The following NHERF1 variants were observed in gnomAD, a reference collection of about 807,000 sequenced individuals.
NHERF1 encodes Na(+)/H(+) exchange regulatory cofactor NHE-RF1.
At chr17:74,766,469 C>T in the NHERF1 span, among the ~76,000 whole-genome samples, 1 of 152,044 alleles carries the variant, frequency 6.6e-6, no homozygotes, top group Admixed American at 6.6e-5. Flanking sequence ...TCCCAAAGTG[C>T]TGGGATTACT....
chr17:74,749,378 C>T, the NHERF1 span: 2 of 1,272,244 alleles, frequency 1.6e-6, no homozygotes, highest in Non-Finnish European at 2.1e-6. This position sits in a 1 kb window ranked among gnomAD's most constrained non-coding sequence, Gnocchi z 5.6. Flanking sequence ...CCCGCGCCCG[C>T]CGTCGTTTTT....
At chr17:74,750,671 G>A in the NHERF1 span, among the ~76,000 whole-genome samples, 1 of 152,056 alleles carries the variant, frequency 6.6e-6, no homozygotes, top group Non-Finnish European at 1.5e-5. Context: ...CCAGTCCCAG[G>A]CAGAAATCCA....
the NHERF1 span, among the ~76,000 whole-genome samples, chr17:74,764,335 G>GCCCA: frequency 1.3e-5 from 2 of 152,200 alleles, no homozygotes; most frequent in African/African-American, 4.8e-5. This position sits in a 1 kb window ranked among gnomAD's most constrained non-coding sequence, Gnocchi z 4.9. Flanking sequence ...AGCTGCAAGG[G>GCCCA]CCCACTGGGG....
At chr17:74,764,413 TC>T in the NHERF1 span, among the ~76,000 whole-genome samples, 1 of 152,104 alleles carries the variant, frequency 6.6e-6, no homozygotes, top group Admixed American at 6.5e-5. The surrounding 1 kb of genome is among the most constrained non-coding windows in gnomAD (Gnocchi z 4.9). Context: ...CCCCTGGAAG[TC>T]CCTAGCTGGC....
chr17:74,765,646 G>C, the NHERF1 span, among the ~76,000 whole-genome samples: 3 of 151,674 alleles, frequency 2.0e-5, no homozygotes. Context: ...CCACCTCCTG[G>C]GTTCAAGCAA....
At chr17:74,762,394 C>G in the NHERF1 span, among the ~76,000 whole-genome samples, 3 of 152,082 alleles carry the variant, frequency 2.0e-5, no homozygotes, top group African/African-American at 4.8e-5. The surrounding 1 kb of genome is among the most constrained non-coding windows in gnomAD (Gnocchi z 4.2). Context: ...CTTACCTCCA[C>G]TCCCCTGGAC....
chr17:74,748,930 G>C, the NHERF1 span: 1 of 1,603,168 alleles, frequency 6.2e-7, no homozygotes, highest in East Asian at 2.2e-5. The surrounding 1 kb of genome is among the most constrained non-coding windows in gnomAD (Gnocchi z 4.3). Context: ...GCTTCCACCT[G>C]CACGGGGAGA....
chr17:74,762,756 C>T, the NHERF1 span, among the ~76,000 whole-genome samples: 2 of 152,174 alleles, frequency 1.3e-5, no homozygotes, highest in Non-Finnish European at 2.9e-5. The surrounding 1 kb of genome is among the most constrained non-coding windows in gnomAD (Gnocchi z 4.2). Context: ...CAGGATTTCA[C>T]CATGTTGGCC....
chr17:74,766,985 G>T, the NHERF1 span: 1 of 1,613,412 alleles, frequency 6.2e-7, no homozygotes, highest in East Asian at 2.2e-5. Context: ...AGGTAAGGGC[G>T]GGTCCCCTGT....
the NHERF1 span, among the ~76,000 whole-genome samples, chr17:74,767,454 G>C: frequency 6.6e-4 from 101 of 152,312 alleles, no homozygotes; most frequent in African/African-American, 2.3e-3. Context: ...GGAAGGGGCT[G>C]GGTGCCAAGC....
the NHERF1 span, chr17:74,767,924 A>G: frequency 3.0e-6 from 2 of 663,164 alleles, no homozygotes; most frequent in Admixed American, 2.1e-5. Flanking sequence ...TTCCCATCCC[A>G]TCCCTCCAGC....
At chr17:74,757,264 A>C in the NHERF1 span, among the ~76,000 whole-genome samples, 1 of 152,048 alleles carries the variant, frequency 6.6e-6, no homozygotes, top group Non-Finnish European at 1.5e-5. Flanking sequence ...CCTGGTTCCC[A>C]CCCTACCAGA....
chr17:74,749,281 G>A, the NHERF1 span: 1 of 1,528,794 alleles, frequency 6.5e-7, no homozygotes. This position sits in a 1 kb window ranked among gnomAD's most constrained non-coding sequence, Gnocchi z 5.6. Flanking sequence ...AGAGCCACCC[G>A]GAGCAGGTAA....
At chr17:74,752,251 A>C in the NHERF1 span, among the ~76,000 whole-genome samples, 109 of 151,754 alleles carry the variant, frequency 7.2e-4, no homozygotes, top group African/African-American at 2.6e-3. Flanking sequence ...CCTAGGCAAC[A>C]TGACAAGACC....
the NHERF1 span, among the ~76,000 whole-genome samples, chr17:74,751,233 C>T: frequency 6.6e-6 from 1 of 152,192 alleles, no homozygotes; most frequent in East Asian, 1.9e-4. The surrounding 1 kb of genome is among the most constrained non-coding windows in gnomAD (Gnocchi z 4.3). Flanking sequence ...ACCATTGAGT[C>T]CTTCTAGCAG....
At chr17:74,750,613 G>A in the NHERF1 span, among the ~76,000 whole-genome samples, 1 of 152,168 alleles carries the variant, frequency 6.6e-6, no homozygotes, top group African/African-American at 2.4e-5. Context: ...AGGGATCTGA[G>A]CACCCGGAGC....
the NHERF1 span, chr17:74,748,890 G>C: frequency 6.3e-7 from 1 of 1,598,332 alleles, no homozygotes; most frequent in South Asian, 1.1e-5. The surrounding 1 kb of genome is among the most constrained non-coding windows in gnomAD (Gnocchi z 4.3). Context: ...CCCCGGCTCT[G>C]CTGCCTGGAG....
chr17:74,753,340 T>C, the NHERF1 span, among the ~76,000 whole-genome samples: 3 of 152,062 alleles, frequency 2.0e-5, no homozygotes, highest in Middle Eastern at 3.2e-3. Flanking sequence ...AGGTGGGTGG[T>C]GGGGCACAGT....
At chr17:74,755,331 A>G in the NHERF1 span, among the ~76,000 whole-genome samples, 16 of 152,110 alleles carry the variant, frequency 1.1e-4, no homozygotes, top group African/African-American at 3.6e-4. Context: ...GTGATAGGTC[A>G]ATCTGGAATC....
Sources: gnomAD v4.1 joint callset for allele counts (sites outside exome capture counted in the v4.1 genomes callset) on GRCh38, gnomAD v4.1.1 for gene constraint, Gnocchi (gnomAD v3.1) non-coding constraint, MANE v1.5 for transcripts, NCBI Gene and HGNC (gene_info 2026-07-23, HGNC 2026-07-21) for gene names.